The following CLTCL1 variants were observed in gnomAD, a reference collection of about 807,000 sequenced individuals.
CLTCL1 encodes the protein clathrin heavy chain like 1.
In CLTCL1, 159 loss-of-function variants were observed where a neutral mutation model predicts 190.0. The ratio of observed to expected loss-of-function variants is 0.84; its 90% CI spans 0.74 to 0.95. The LOEUF is 0.95. Ranked by LOEUF, CLTCL1 falls within the 40% of genes least tolerant of loss-of-function variation. CLTCL1 has a pLI of 0.00. For missense variants in CLTCL1, 1,878 were observed against 2,033.4 expected, an observed-to-expected ratio of 0.92 and a Z score of 1.47; for synonymous variants, 752 against 769.6, an observed-to-expected ratio of 0.98 and a Z score of 0.38.
rs200224103 is a variant in CLTCL1 at position 19,212,567 on chromosome 22, GAGAA to G, written c.3066-2062_3066-2059del. Among the ~76,000 whole-genome samples the G allele has an allele frequency of 9.9e-5, 14 of 141,708 alleles. 1 individual carries two copies. Among genetic ancestry groups the G allele is most frequent in the East Asian group, 8.1e-4 (4 of 4,920 alleles). The allele number at this position is 141,708 out of a possible 152,430, so 93.0% of individuals were successfully genotyped here. A position where few individuals can be genotyped will look rare whatever the true frequency, so the allele number is the denominator to read the frequency against. ...CAGAGGGAGACCCTATTGAAAGAAA[GAGAA>G]AGAAAGAAAGAAAGAGAAAGAAAGA... On this transcript the variant is annotated intron_variant, in intron 19 of 32. Transcript: ENST00000427926.
At chr22:19,268,864 G>A (rs561572386) in intron 2 of CLTCL1, among the ~76,000 whole-genome samples, 5 of 152,196 alleles carry the variant, frequency 3.3e-5, no homozygotes, top group African/African-American at 7.2e-5. Flanking sequence ...GGAGGCCAAC[G>A]CAGGTGGATC....
intron 24 of CLTCL1, 21 bp downstream of exon 24, chr22:19,199,713 C>G: frequency 1.9e-6 from 3 of 1,544,604 alleles, no homozygotes; most frequent in Non-Finnish European, 2.6e-6. Flanking sequence ...TCTGCATTAC[C>G]AGCAGAGATC....
chr22:19,233,815 C>T (rs993778605), intron 7 of CLTCL1, among the ~76,000 whole-genome samples, 193 bp from the exon 8 acceptor site: 3 of 152,178 alleles, frequency 2.0e-5, no homozygotes, highest in Admixed American at 2.0e-4. Context: ...TCTAGGTCCT[C>T]CAGGTGGCTT....
At chr22:19,263,341 C>G (rs1382405601) in intron 2 of CLTCL1, among the ~76,000 whole-genome samples, 2 of 151,592 alleles carry the variant, frequency 1.3e-5, no homozygotes, top group African/African-American at 4.8e-5. Context: ...AAGCGATCTT[C>G]CCACCTTGGC....
chr22:19,201,233 A>C, intron 23 of CLTCL1, 96 bp downstream of exon 23: 1 of 1,399,234 alleles, frequency 7.1e-7, no homozygotes. Context: ...CCTGGGCAAG[A>C]GACCGGCACC....
chr22:19,255,034 A>C (rs1470660930), intron 2 of CLTCL1, among the ~76,000 whole-genome samples: 2 of 152,242 alleles, frequency 1.3e-5, no homozygotes, highest in African/African-American at 2.4e-5. Context: ...ATTGGGAACA[A>C]GGCAAGGATT....
At chr22:19,243,545 G>C (rs959738960) in intron 3 of CLTCL1, among the ~76,000 whole-genome samples, 4 of 152,080 alleles carry the variant, frequency 2.6e-5, no homozygotes, top group Non-Finnish European at 5.9e-5. Context: ...CTTGGGCCAA[G>C]AAGTTTGAGG....
intron 1 of CLTCL1, among the ~76,000 whole-genome samples, chr22:19,289,144 C>T (rs781892023): frequency 2.0e-5 from 3 of 152,078 alleles, no homozygotes; most frequent in African/African-American, 4.8e-5. Flanking sequence ...CCAACACGCC[C>T]GGCTAATACT....
In CLTCL1 at chr22:19,233,156, C is replaced by T. The variant is rs369172862; in HGVS notation, c.1521+10G>A. ...AATCTGTGAGATGCCAGTGGTTCAA[C>T]ACACGTTACCTTTTTGGCATAGAGC... On this transcript the variant is annotated intron_variant, in intron 9 of 32. Coordinates refer to ENST00000427926, the MANE Select transcript of CLTCL1 (RefSeq NM_007098.4). The T allele has an allele frequency of 3.0e-4, 481 of 1,606,622 alleles. No individual in the cohort carries two copies. Among genetic ancestry groups the T allele is most frequent in the South Asian group, 7.5e-4 (68 of 90,728 alleles).
chr22:19,191,959 GA>G (rs1555932409), intron 26 of CLTCL1, among the ~76,000 whole-genome samples: 1 of 152,138 alleles, frequency 6.6e-6, no homozygotes, highest in East Asian at 1.9e-4. Context: ...ACTCTGGGTG[GA>G]CCCTGTGCCT....
chr22:19,288,741 T>C (rs1281052387), intron 1 of CLTCL1, among the ~76,000 whole-genome samples: 1 of 152,130 alleles, frequency 6.6e-6, no homozygotes, highest in Non-Finnish European at 1.5e-5. Flanking sequence ...TGGGAATACA[T>C]AACATCACCA....
chr22:19,243,697 C>CTTTTTTTTT (rs1175325908), intron 3 of CLTCL1, among the ~76,000 whole-genome samples: 217 of 107,872 alleles, frequency 2.0e-3, no homozygotes, highest in Non-Finnish European at 2.5e-3. Flanking sequence ...TTCTTTCTTT[C>CTTTTTTTTT]TTTTTTTTTT....
chr22:19,281,743 AC>A (rs1555986846), intron 1 of CLTCL1, among the ~76,000 whole-genome samples: 1 of 152,146 alleles, frequency 6.6e-6, no homozygotes, highest in African/African-American at 2.4e-5. Context: ...TTGGGTTAAT[AC>A]GGTGACATTC....
intron 18 of CLTCL1, among the ~76,000 whole-genome samples, chr22:19,219,169 A>C (rs1569184953): frequency 7.7e-6 from 1 of 130,444 alleles, no homozygotes; most frequent in Admixed American, 7.9e-5. Flanking sequence ...TTATTTATTT[A>C]TTTATTTATT....
chr22:19,258,054 T>C, intron 2 of CLTCL1: 1 of 460,452 alleles, frequency 2.2e-6, no homozygotes, highest in Non-Finnish European at 4.2e-6. Context: ...CACCAGTTTG[T>C]GAGGAGCGAC....
At chr22:19,201,532 A>G (rs1555939615) in intron 22 of CLTCL1, 39 bp from the exon 23 acceptor site, 2 of 1,578,090 alleles carry the variant, frequency 1.3e-6, no homozygotes, top group South Asian at 2.3e-5. Context: ...ACACTCTTCA[A>G]TGGGAAGATT....
intron 4 of CLTCL1, among the ~76,000 whole-genome samples, 158 bp downstream of exon 4, chr22:19,242,615 GGC>G (rs1386572614): frequency 6.6e-6 from 1 of 152,058 alleles, no homozygotes; most frequent in Non-Finnish European, 1.5e-5. Context: ...AGGGGAATGG[GGC>G]CACTTAATCA....
rs1555957918 is a variant in CLTCL1, at chr22:19,229,860, A to G, written c.1760T>C (p.Met587Thr). The change falls in exon 11 of 33, where the codon ATG (methionine) becomes ACG (threonine). Residue 587 changes from methionine to threonine, a missense_variant. Coordinates refer to ENST00000427926, the MANE Select transcript of CLTCL1 (RefSeq NM_007098.4). ...EGLLQTWLLE[M>T]NLVHAPQVAD... The stretch of plus-strand genomic sequence containing the variant: ...GACCTGGGGTGCATGAACAAGGTTC[A>G]TCTCCAACAGCCATGTCTGCAGGAG... 2.5e-6 allele frequency: 4 copies of G among 1,610,772 alleles called. No individual in the cohort carries two copies. Among genetic ancestry groups the G allele is most frequent in the Non-Finnish European group, 3.4e-6 (4 of 1,178,774 alleles).
chr22:19,233,505 T>G lies in CLTCL1; in HGVS notation c.1285A>C (p.Lys429Gln), dbSNP rs1490479532. The change falls in exon 8 of 33, where the codon AAA becomes CAA. Residue 429 changes from lysine to glutamine, a missense_variant. Transcript: ENST00000427926. ...GILLDQGQLNKLESLELCHLV... is the reference protein window; with the variant it reads ...GILLDQGQLNQLESLELCHLV... ...TGGCAAAGTTCTAAGGATTCAAGTTTATTGAGCTGACCCTGGTCGAGCAGG... is the reference window on the plus strand; with the variant it reads ...TGGCAAAGTTCTAAGGATTCAAGTTGATTGAGCTGACCCTGGTCGAGCAGG... 1 of 1,613,864 alleles carries G rather than the reference T, an allele frequency of 6.2e-7. No individual in the cohort carries two copies. The highest frequency in any genetic ancestry group is 1.3e-5 in the African/African-American group (1 of 74,910).
Sources: allele counts gnomAD v4.1 joint callset (sites outside exome capture counted in the v4.1 genomes callset), GRCh38; gene constraint gnomAD v4.1.1; transcripts MANE v1.5; gene names NCBI Gene and HGNC (gene_info 2026-07-23, HGNC 2026-07-21).